Variants in CDCA5 observed in about 807,000 individuals in gnomAD.
CDCA5 encodes cell division cycle associated 5.
In CDCA5, 14 loss-of-function variants were observed where a neutral mutation model predicts 25.7. The observed-to-expected ratio is 0.54, with a 90% CI of 0.36 to 0.85. The LOEUF is 0.85. CDCA5 is among the 40% of genes least tolerant of loss of function. CDCA5 has a pLI of 0.01. For missense variants in CDCA5, 307 were observed against 324.5 expected (o/e 0.95, Z 0.41); for synonymous variants, 127 against 128.7 (o/e 0.99, Z 0.09).
At position 65,066,665 on chromosome 11, in the gene CDCA5, A is replaced by T; in HGVS notation, c.450T>A (p.Tyr150Ter). ...CCTGGGCTCCCTCCTTCAGGCTCTT[A>T]TACAATAAGGTGGGCTGGACAAAGG... Residue 150 changes from tyrosine to a stop codon, truncating the protein, a stop_gained, in exon 6 of 7, where the codon TAT becomes TAA. Transcript: ENST00000525464. LOFTEE classifies it high-confidence loss of function. 7.8e-7 allele frequency: 1 copy of T among 1,289,030 alleles called. No homozygotes were observed. Among genetic ancestry groups the T allele is most frequent in the Non-Finnish European group, 1.0e-6 (1 of 988,672 alleles). The allele number at this position is 1,289,030 out of a possible 1,614,324, so 79.8% of individuals were successfully genotyped here. A position where few individuals can be genotyped will look rare whatever the true frequency, so the allele number is the denominator to read the frequency against.
chr11:65,069,990 G>A (rs906347542), intron 1 of CDCA5, among the ~76,000 whole-genome samples: 5 of 152,246 alleles, frequency 3.3e-5, no homozygotes, highest in African/African-American at 1.2e-4. Flanking sequence ...GGCTGCAAGA[G>A]GAGGGAGCCA....
chr11:65,068,040 T>C, exon 3 of CDCA5: 2 of 1,289,168 alleles, frequency 1.6e-6, no homozygotes, highest in Middle Eastern at 2.1e-4. Flanking sequence ...TCAGGGTCTT[T>C]TGGCTCAGTG....
chr11:65,064,260 T>C (rs971775979), downstream of CDCA5, among the ~76,000 whole-genome samples: 1 of 151,662 alleles, frequency 6.6e-6, no homozygotes, highest in African/African-American at 2.4e-5. Flanking sequence ...CTACTAAAAA[T>C]ATAAAAAACT....
At position 65,078,695 on chromosome 11, in the gene CDCA5, G is replaced by A. The variant is rs1039283136; in HGVS notation, c.*412C>T. On this transcript the variant is annotated 3_prime_UTR_variant, in exon 6 of 6. Coordinates refer to ENST00000275517, the MANE Select transcript of CDCA5 (RefSeq NM_080668.4). ...GAAGGCAACTCAGGAGGGAGAGGCC[G>A]AGGCTGGCAGAGCCCCTGGGCCTAT... The A allele has an allele frequency of 1.9e-5, 19 of 1,004,442 alleles. No individual in the cohort carries two copies. Among genetic ancestry groups the A allele is most frequent in the Admixed American group, 6.0e-5 (1 of 16,780 alleles). 62.2% of individuals were successfully genotyped at this position (1,004,442 alleles called of 1,614,324 possible). A position where few individuals can be genotyped will look rare whatever the true frequency, so the allele number is the denominator to read the frequency against.
chr11:65,079,173 A>G lies in CDCA5; in HGVS notation c.693T>C (p.Asp231=). 6.6e-7 allele frequency: 1 copy of G among 1,524,202 alleles called. No individual in the cohort carries two copies. The highest frequency in any genetic ancestry group is 1.3e-5 in the South Asian group (1 of 76,094). The allele number at this position is 1,524,202 out of a possible 1,614,324, so 94.4% of individuals were successfully genotyped here. A position where few individuals can be genotyped will look rare whatever the true frequency, so the allele number is the denominator to read the frequency against. ...KMPEILKTEL[D]EWAAAMNAEF... Reference sequence around the variant, plus strand: ...CGGCATTCATGGCCGCAGCCCACTCATCCAGCTCCGTTTTCTGAGGGAAGA... The same window carrying G: ...CGGCATTCATGGCCGCAGCCCACTCGTCCAGCTCCGTTTTCTGAGGGAAGA... The change falls in exon 6 of 6, where the codon GAT becomes GAC. Residue 231 remains aspartate, a synonymous_variant. Coordinates refer to ENST00000275517, the MANE Select transcript of CDCA5 (RefSeq NM_080668.4).
At chr11:65,073,133 C>T (rs112506668), downstream of CDCA5, among the ~76,000 whole-genome samples, 5,195 of 151,492 alleles carry the variant, frequency 0.034, 150 homozygotes, top group East Asian at 0.079. Context: ...TTAGTAGAGA[C>T]GAGGTTTCAC....
At chr11:65,069,885 G>A (rs1590787277) in intron 1 of CDCA5, among the ~76,000 whole-genome samples, 1 of 152,376 alleles carries the variant, frequency 6.6e-6, no homozygotes, top group South Asian at 2.1e-4. Flanking sequence ...ACCTGGTTCT[G>A]CGCAGAAGTT....
chr11:65,075,014 A>G (rs532871055), downstream of CDCA5, among the ~76,000 whole-genome samples: 265 of 146,348 alleles, frequency 1.8e-3, no homozygotes, highest in African/African-American at 6.4e-3. Context: ...GTGAGCCGAG[A>G]TCGTGCCATT....
At chr11:65,068,393 G>C in intron 2 of CDCA5, 5 of 753,946 alleles carry the variant, frequency 6.6e-6, no homozygotes, top group Non-Finnish European at 9.6e-6. Flanking sequence ...TGTGACGACG[G>C]GGGTTCAGGC....
chr11:65,079,212 G>A, intron 5 of CDCA5, 25 bp from the exon 6 acceptor site: 2 of 1,542,942 alleles, frequency 1.3e-6, no homozygotes, highest in Non-Finnish European at 1.7e-6. Context: ...ATGAGGAGCA[G>A]GTGAGTGAGA....
At position 65,077,524 on chromosome 11, in the gene CDCA5, T is replaced by G. The variant is rs1565280789; in HGVS notation, c.*1583A>C. 1.0e-6 allele frequency: 1 copy of G among 985,316 alleles called. No homozygotes were observed. The highest frequency in any genetic ancestry group is 1.2e-6 in the Non-Finnish European group (1 of 829,926). The allele number at this position is 985,316 out of a possible 1,614,324, so 61.0% of individuals were successfully genotyped here. ...ACAAAATCCCATTTTTTCCTTAAAT[T>G]TAGTTCCTCAGGAACAGAGAACTTT... On this transcript the variant is annotated 3_prime_UTR_variant, in exon 6 of 6. Transcript: ENST00000275517.
intron 4 of CDCA5, among the ~76,000 whole-genome samples, chr11:65,081,107 G>A (rs1333068866): frequency 6.6e-6 from 1 of 152,128 alleles, no homozygotes; most frequent in Non-Finnish European, 1.5e-5. Flanking sequence ...AAGGCAAGAG[G>A]AAGAAACTGA....
In CDCA5 at chr11:65,071,299, T is replaced by G. The variant is rs567287810; in HGVS notation, c.64-2698A>C. Among the ~76,000 whole-genome samples, 8 of 151,852 alleles carry G rather than the reference T, an allele frequency of 5.3e-5. No individual in the cohort carries two copies. In the South Asian group the frequency reaches 1.7e-3, roughly 32 times the overall value. ...CCCCATATGTGGCATGGAACATACT[T>G]GTACTAGAAAACTATCTATTATTTC... is the stretch of plus-strand genomic sequence containing the variant. On this transcript the variant is annotated intron_variant, in intron 1 of 6. Coordinates refer to the CDCA5 transcript ENST00000525464.
intron 1 of CDCA5, among the ~76,000 whole-genome samples, chr11:65,069,905 T>C (rs1947307952): frequency 6.6e-6 from 1 of 152,200 alleles, no homozygotes; most frequent in African/African-American, 2.4e-5. Context: ...TTCCGGAAGA[T>C]GAGGGAGGCC....
chr11:65,081,144 G>T (rs2137138181), intron 4 of CDCA5, among the ~76,000 whole-genome samples: 1 of 152,304 alleles, frequency 6.6e-6, no homozygotes, highest in South Asian at 2.1e-4. Flanking sequence ...ATAATGGGTG[G>T]CCAGATATGG....
chr11:65,075,825 G>T (rs557929826), downstream of CDCA5, among the ~76,000 whole-genome samples: 25 of 152,294 alleles, frequency 1.6e-4, no homozygotes, highest in South Asian at 5.2e-3. Context: ...GAGGCTACCC[G>T]GCAAGAGCAG....
At chr11:65,061,914 AT>A (rs35836447), downstream of CDCA5, among the ~76,000 whole-genome samples, 32,035 of 81,832 alleles carry the variant, frequency 0.39, 4,522 homozygotes, top group Non-Finnish European at 0.48. Context: ...CAGCTGCCTA[AT>A]TTTTTTTTTT....
chr11:65,061,777 G>GAAAAA (rs781316054), downstream of CDCA5, among the ~76,000 whole-genome samples: 1 of 81,530 alleles, frequency 1.2e-5, no homozygotes, highest in Non-Finnish European at 2.7e-5. Flanking sequence ...TCCGTCTCAA[G>GAAAAA]AAAAAAAAAA....
Position 65,079,435 on chromosome 11 carries a change from C to T in CDCA5, c.596G>A (p.Trp199Ter). The T allele has an allele frequency of 1.2e-6, 2 of 1,614,054 alleles. No individual in the cohort carries two copies. Among genetic ancestry groups the T allele is most frequent in the Non-Finnish European group, 1.7e-6 (2 of 1,180,004 alleles). The change falls in exon 5 of 6, where the codon TGG (tryptophan) becomes TAG (stop). Residue 199 changes from tryptophan (W) to a stop codon, truncating the protein, a stop_gained. Transcript: ENST00000275517. LOFTEE classifies it high-confidence loss of function. ...TEVPRVCAKP[W>*]APDMTLPGIS... ...TCCAGGGAGAGTCATGTCTGGGGCC[C>T]AGGGCTTTGCACAAACCCTGGGGAC...
Sources: gnomAD v4.1 joint callset for allele counts (sites outside exome capture counted in the v4.1 genomes callset) on GRCh38, gnomAD v4.1.1 for gene constraint, MANE v1.5 for transcripts, NCBI Gene and HGNC (gene_info 2026-07-23, HGNC 2026-07-21) for gene names.